The following GPSM1 variants were observed in gnomAD, a reference collection of about 807,000 sequenced individuals.
GPSM1 encodes the protein G protein signaling modulator 1.
GPSM1 carries 48 observed loss-of-function variants against 70.5 expected under a neutral mutation model. The ratio of observed to expected loss-of-function variants is 0.68; its 90% CI spans 0.54 to 0.87. The LOEUF (loss-of-function observed/expected upper bound fraction) is 0.87, where lower values mean the gene tolerates loss of function less well. Ranked by LOEUF, GPSM1 falls within the 40% of genes least tolerant of loss-of-function variation. The pLI is 0.00. For synonymous variants in GPSM1, 416 were observed against 430.1 expected (o/e 0.97, Z 0.41); for missense variants, 981 against 972.6 (o/e 1.01, Z -0.11).
At position 136,337,002 on chromosome 9, in the gene GPSM1, G is replaced by A. The variant is rs564834151; in HGVS notation, c.508G>A (p.Ala170Thr). The A allele has an allele frequency of 1.1e-4, 168 of 1,553,262 alleles. 1 individual carries two copies. In the South Asian group the frequency reaches 1.7e-3, roughly 16 times the overall value. ...GCAACTGTCCTGGAACGCCGCAAAC[G>A]CCACGCAGGACCCCGGGCACCTGCC... ...GKQLSWNAAN[A>T]TQDPGHLPPD... The change falls in exon 4 of 14, where the codon GCC becomes ACC. Residue 170 changes from alanine to threonine, a missense_variant. By Grantham distance (58) the Ala-to-Thr change is moderately conservative. Coordinates refer to ENST00000440944, the MANE Select transcript of GPSM1 (RefSeq NM_001145638.3).
At position 136,342,858 on chromosome 9, in the gene GPSM1, A is replaced by G. The variant is rs1042426221; in HGVS notation, c.1207+1865A>G. On this transcript the variant is annotated intron_variant, in intron 9 of 13. Transcript: ENST00000440944. The surrounding 1 kb of genome is among the most constrained non-coding windows in gnomAD (Gnocchi z 5.5). ...GGGCGCTGCCCAGCGGGGTGTGGGC[A>G]GGGAGGAGGAAGTCGTCTGGAGGTG... Among the ~76,000 whole-genome samples, 2 of 151,416 alleles carry G rather than the reference A, an allele frequency of 1.3e-5. No individual in the cohort carries two copies. Among genetic ancestry groups the G allele is most frequent in the African/African-American group, 2.4e-5 (1 of 41,164 alleles).
intron 11 of GPSM1, 120 bp from the exon 12 acceptor site, chr9:136,355,570 T>G: frequency 1.1e-6 from 1 of 892,382 alleles, no homozygotes; most frequent in Non-Finnish European, 1.7e-6. Context: ...AGGGGGCAGG[T>G]TAGAGTCCCG....
rs1400789114 is a variant in GPSM1, at chr9:136,343,042, C to G, written c.1207+2049C>G. ...TGGAGGACAAAGAGCCTTGGCGCGG[C>G]TCAGTCAGCGTATTAATCTCACCGC... On this transcript the variant is annotated intron_variant, in intron 9 of 13. Coordinates refer to ENST00000440944, the MANE Select transcript of GPSM1 (RefSeq NM_001145638.3). This position sits in a 1 kb window ranked among gnomAD's most constrained non-coding sequence, Gnocchi z 6.0. Among the ~76,000 whole-genome samples, 1 of 152,116 alleles carries G rather than the reference C, an allele frequency of 6.6e-6. No homozygotes were observed. Among genetic ancestry groups the G allele is most frequent in the African/African-American group, 2.4e-5 (1 of 41,410 alleles).
rs561924197 is a variant in GPSM1 at position 136,357,977 on chromosome 9, G to A, written c.1822-37G>A. 4.5e-6 allele frequency: 7 copies of A among 1,550,580 alleles called. No homozygotes were observed. The Middle Eastern group carries it at 5.0e-4, about 111-fold the overall frequency. ...GACCAGCCCCGGACCACTGGGGCTG[G>A]GGGGGTGAGGCCGCCAACTGCACTG... On this transcript the variant is annotated intron_variant, in intron 13 of 13. Coordinates refer to ENST00000440944, the MANE Select transcript of GPSM1 (RefSeq NM_001145638.3).
In GPSM1 at chr9:136,355,534, CACGTTCTGGGGGAGGGGTAGCCGACAG is replaced by C. The variant is rs1554772821; in HGVS notation, c.1456-155_1456-129del. On this transcript the variant is annotated intron_variant, in intron 11 of 13. Transcript: ENST00000440944. Reference sequence around the variant, plus strand: ...GTAGCCGGGTGCCGAGGGTGGGTGACACGTTCTGGGGGAGGGGTAGCCGACAGGGGGCAGGTTAGAGTCCCGATCTTG... The same window carrying C: ...GTAGCCGGGTGCCGAGGGTGGGTGACGGGGCAGGTTAGAGTCCCGATCTTG... 1,796 of 565,508 alleles carry C rather than the reference CACGTTCTGGGGGAGGGGTAGCCGACAG, an allele frequency of 3.2e-3. 25 individuals carry two copies. The highest frequency in any genetic ancestry group is 4.4e-3 in the Non-Finnish European group (1,446 of 327,874). 35.0% of individuals were successfully genotyped at this position (565,508 alleles called of 1,614,324 possible).
intron 13 of GPSM1, 62 bp downstream of exon 13, chr9:136,356,612 C>A (rs886820639): frequency 9.8e-5 from 125 of 1,281,294 alleles, no homozygotes; most frequent in Non-Finnish European, 1.3e-4. Context: ...TGTGTGGAGG[C>A]AACTTGTGTC....
chr9:136,332,311 G>C, intron 1 of GPSM1: 1 of 397,620 alleles, frequency 2.5e-6, no homozygotes, highest in Non-Finnish European at 4.4e-6. Flanking sequence ...CCAGATTGGA[G>C]GTGCAGAATG....
At chr9:136,329,688 G>T (rs1554768290) in intron 1 of GPSM1, among the ~76,000 whole-genome samples, 1 of 152,196 alleles carries the variant, frequency 6.6e-6, no homozygotes, top group Admixed American at 6.5e-5. Flanking sequence ...GGAGAGAGGA[G>T]TTTCAGCTTT....
intron 1 of GPSM1, among the ~76,000 whole-genome samples, chr9:136,328,102 G>A (rs1303817698): frequency 6.6e-6 from 1 of 152,170 alleles, no homozygotes; most frequent in African/African-American, 2.4e-5. Flanking sequence ...GGGGCACTCA[G>A]GGGCATCATG....
chr9:136,350,786 C>A (rs1832640798), intron 11 of GPSM1, among the ~76,000 whole-genome samples: 1 of 152,214 alleles, frequency 6.6e-6, no homozygotes, highest in African/African-American at 2.4e-5. Flanking sequence ...GCCAGGAGCC[C>A]CCCGCGTTGC....
rs201304432 is a variant in GPSM1, at chr9:136,337,950, C to T, written c.807C>T (p.Ala269=). The T allele has an allele frequency of 1.4e-4, 226 of 1,606,008 alleles. No individual in the cohort carries two copies. Among genetic ancestry groups the T allele is most frequent in the Non-Finnish European group, 1.7e-4 (198 of 1,174,668 alleles). ...TCCTGGGGCGCTTTGACGTGGCCGC[C>T]GAGTACTACAAGTAGGTGGTCCCCA... is the stretch of plus-strand genomic sequence containing the variant. ...HVFLGRFDVA[A]EYYKKTLQLS... Residue 269 remains alanine (A), a synonymous_variant, in exon 6 of 14, where the codon GCC becomes GCT. Coordinates refer to ENST00000440944, the MANE Select transcript of GPSM1 (RefSeq NM_001145638.3).
rs1368458569 is a variant in GPSM1, at chr9:136,340,233, A to C, written c.1083+418A>C. Among the ~76,000 whole-genome samples, 3 of 152,020 alleles carry C rather than the reference A, an allele frequency of 2.0e-5. No homozygotes were observed. The highest frequency in any genetic ancestry group is 2.0e-4 in the Admixed American group (3 of 15,278). On this transcript the variant is annotated intron_variant, in intron 8 of 13. Transcript: ENST00000440944. This position sits in a 1 kb window ranked among gnomAD's most constrained non-coding sequence, Gnocchi z 7.3. ...CATGCTAAAGACGGTGCCAGCCCCT[A>C]CTGACCACCATAGACCCATGTAGGA...
chr9:136,337,219 C>A, intron 4 of GPSM1, 147 bp downstream of exon 4: 1 of 1,044,540 alleles, frequency 9.6e-7, no homozygotes, highest in Non-Finnish European at 1.4e-6. Context: ...CCCGCTTTCT[C>A]AGCTGCTGGC....
At position 136,337,012 on chromosome 9, in the gene GPSM1, A is replaced by G; in HGVS notation, c.518A>G (p.Asp173Gly). Residue 173 changes from aspartate (D) to glycine (G), a missense_variant, in exon 4 of 14, where the codon GAC becomes GGC. Transcript: ENST00000440944. ...LSWNAANATQ[D>G]PGHLPPDVRE... ...TGGAACGCCGCAAACGCCACGCAGG[A>G]CCCCGGGCACCTGCCGCCCGATGTC... is the stretch of plus-strand genomic sequence containing the variant. 5 of 1,552,120 alleles carry G rather than the reference A, an allele frequency of 3.2e-6. No homozygotes were observed. The highest frequency in any genetic ancestry group is 4.4e-6 in the Non-Finnish European group (5 of 1,148,042).
chr9:136,348,685 C>A lies in GPSM1; in HGVS notation c.1208-12C>A. 6.2e-7 allele frequency: 1 copy of A among 1,607,030 alleles called. No individual in the cohort carries two copies. The highest frequency in any genetic ancestry group is 8.5e-7 in the Non-Finnish European group (1 of 1,176,538). The stretch of plus-strand genomic sequence containing the variant: ...GGGTGGTGCTGGGCTGACCGGGTCC[C>A]TCTGTCTTCAGGGGCCAGACCCAAG... On this transcript the variant is annotated splice_polypyrimidine_tract_variant and intron_variant, in intron 9 of 13. Coordinates refer to ENST00000440944, the MANE Select transcript of GPSM1 (RefSeq NM_001145638.3).
At chr9:136,349,207 C>T (rs1224376804) in intron 10 of GPSM1, among the ~76,000 whole-genome samples, 4 of 152,268 alleles carry the variant, frequency 2.6e-5, no homozygotes, top group East Asian at 1.9e-4. Flanking sequence ...CTGTGCCTGT[C>T]GGCAGTGGGT....
intron 11 of GPSM1, among the ~76,000 whole-genome samples, chr9:136,354,614 C>T (rs1832762443): frequency 6.6e-6 from 1 of 152,218 alleles, no homozygotes; most frequent in Non-Finnish European, 1.5e-5. Flanking sequence ...GGAACCATCA[C>T]AAACACCCTT....
chr9:136,341,042 G>A lies in GPSM1; in HGVS notation c.1207+49G>A, dbSNP rs782809270. On this transcript the variant is annotated intron_variant, in intron 9 of 13. Transcript: ENST00000440944. This position sits in a 1 kb window ranked among gnomAD's most constrained non-coding sequence, Gnocchi z 6.7. ...GTCTTGCTCCCCACAGGCACGGACC[G>A]CATCAGGAGCTGCGGAGGGGTGGGA... is the stretch of plus-strand genomic sequence containing the variant. 4.5e-6 allele frequency: 7 copies of A among 1,558,812 alleles called. No individual in the cohort carries two copies. The highest frequency in any genetic ancestry group is 2.7e-5 in the African/African-American group (2 of 73,464).
At chr9:136,356,287 G>C (rs1160830373) in intron 12 of GPSM1, 55 bp from the exon 13 acceptor site, 3 of 1,335,402 alleles carry the variant, frequency 2.2e-6, no homozygotes, top group South Asian at 3.0e-5. Context: ...CGCAGCCCGA[G>C]CCTCGGGCTT....
Sources: allele counts gnomAD v4.1 joint callset (sites outside exome capture counted in the v4.1 genomes callset), GRCh38; gene constraint gnomAD v4.1.1; non-coding constraint Gnocchi (gnomAD v3.1); transcripts MANE v1.5; gene names NCBI Gene and HGNC (gene_info 2026-07-23, HGNC 2026-07-21).